Variants in RIMS3 observed in about 807,000 individuals in gnomAD.
The protein encoded by RIMS3 is regulating synaptic membrane exocytosis protein 3.
In RIMS3, 15 loss-of-function variants were observed where a neutral mutation model predicts 29.2. The ratio of observed to expected loss-of-function variants is 0.51; its 90% CI spans 0.34 to 0.79. RIMS3 has a LOEUF of 0.79. Ranked by LOEUF, RIMS3 falls within the 30% of genes least tolerant of loss-of-function variation. RIMS3 has a pLI of 0.01. For missense variants in RIMS3, 342 were observed against 421.4 expected, an observed-to-expected ratio of 0.81 and a Z score of 1.65; for synonymous variants, 161 against 170.1, an observed-to-expected ratio of 0.95 and a Z score of 0.41.
chr1:40,641,135 C>G (rs531136969), intron 3 of RIMS3, among the ~76,000 whole-genome samples: 1 of 152,142 alleles, frequency 6.6e-6, no homozygotes, highest in African/African-American at 2.4e-5. Flanking sequence ...ACAGGCGAGA[C>G]TGAATCTTTT....
At chr1:40,639,413 C>T (rs577294443) in intron 3 of RIMS3, among the ~76,000 whole-genome samples, 4 of 152,314 alleles carry the variant, frequency 2.6e-5, no homozygotes, top group South Asian at 2.1e-4. Flanking sequence ...TGGAGAGGAA[C>T]GTGCTACAGG....
At position 40,636,634 on chromosome 1, in the gene RIMS3, C is replaced by T. The variant is rs913525907; in HGVS notation, c.218-577G>A. Among the ~76,000 whole-genome samples the T allele has an allele frequency of 1.3e-5, 2 of 152,238 alleles. No homozygotes were observed. Among genetic ancestry groups the T allele is most frequent in the African/African-American group, 2.4e-5 (1 of 41,518 alleles). On this transcript the variant is annotated intron_variant, in intron 3 of 7. Transcript: ENST00000372684. This position sits in a 1 kb window ranked among gnomAD's most constrained non-coding sequence, Gnocchi z 4.2. The stretch of plus-strand genomic sequence containing the variant: ...TAGGTGGGGCTGAACATGGAGAGGA[C>T]GTGTGTGGAGAGCTGGAGAGGCCAT...
rs541695562 is a variant in RIMS3 at position 40,635,980 on chromosome 1, C to T, written c.295G>A (p.Val99Ile). 1 of 1,611,042 alleles carries T rather than the reference C, an allele frequency of 6.2e-7. No individual in the cohort carries two copies. Among genetic ancestry groups the T allele is most frequent in the Non-Finnish European group, 8.5e-7 (1 of 1,179,970 alleles). ...TGIAVEMRSR[V>I]TRQGSRESTD... ...GACTCCCGGCTGCCCTGGCGTGTGA[C>T]CCGGCTCCGCATCTCCACCGCGATG... is the stretch of plus-strand genomic sequence containing the variant. The change falls in exon 4 of 8, where the codon GTC becomes ATC. Residue 99 changes from valine (V) to isoleucine (I), a missense_variant. Physicochemically the swap from Val to Ile is conservative, Grantham distance 29 (BLOSUM62 3). Transcript: ENST00000372684. The surrounding 1 kb of genome is among the most constrained non-coding windows in gnomAD (Gnocchi z 4.1).
upstream of RIMS3, among the ~76,000 whole-genome samples, chr1:40,668,249 CAAAAA>C (rs35624303): frequency 1.7e-4 from 18 of 106,376 alleles, no homozygotes; most frequent in Non-Finnish European, 1.5e-4. Context: ...GACTCTGTCT[CAAAAA>C]AAAAAAAAAA....
chr1:40,662,769 C>T (rs753874500), intron 1 of RIMS3, among the ~76,000 whole-genome samples: 4 of 152,234 alleles, frequency 2.6e-5, no homozygotes, highest in Non-Finnish European at 5.9e-5. Flanking sequence ...AGTTAATTCC[C>T]TAACCACATT....
Position 40,623,879 on chromosome 1 carries a change from C to A in RIMS3, c.*2638G>T, listed in dbSNP as rs969447606. On this transcript the variant is annotated 3_prime_UTR_variant, in exon 8 of 8. Transcript: ENST00000372684. Reference sequence around the variant, plus strand: ...CAACTTTACCCTCATGGGGTAAAATCCAGGTGGGGATGAGTAACTTATTTG... The same window carrying A: ...CAACTTTACCCTCATGGGGTAAAATACAGGTGGGGATGAGTAACTTATTTG... The A allele has an allele frequency of 4.3e-5, 10 of 231,914 alleles. No homozygotes were observed. Among genetic ancestry groups the A allele is most frequent in the African/African-American group, 9.0e-5 (4 of 44,586 alleles). 14.4% of individuals were successfully genotyped at this position (231,914 alleles called of 1,614,324 possible).
intron 1 of RIMS3, among the ~76,000 whole-genome samples, chr1:40,658,243 G>A (rs1402993997): frequency 6.6e-6 from 1 of 152,178 alleles, no homozygotes; most frequent in Non-Finnish European, 1.5e-5. Flanking sequence ...AGCAAGGTGA[G>A]AAAATTCAGG....
At chr1:40,669,772 T>G (rs550574227), upstream of RIMS3, among the ~76,000 whole-genome samples, 136 of 152,244 alleles carry the variant, frequency 8.9e-4, 3 homozygotes, top group South Asian at 0.027. Context: ...GGTGCAAAGA[T>G]TTTTTTGAAA....
the RIMS3 span, among the ~76,000 whole-genome samples, chr1:40,680,520 T>C: frequency 6.6e-6 from 1 of 151,904 alleles, no homozygotes; most frequent in Non-Finnish European, 1.5e-5. Flanking sequence ...TGAGTAGACA[T>C]GGAGTTTCTC....
the RIMS3 span, among the ~76,000 whole-genome samples, chr1:40,673,007 C>T: frequency 6.6e-6 from 1 of 152,114 alleles, no homozygotes; most frequent in Non-Finnish European, 1.5e-5. Flanking sequence ...TGGTGAAAAC[C>T]TGTCTCTACT....
At chr1:40,691,582 G>A in the RIMS3 span, 18 of 334,530 alleles carry the variant, frequency 5.4e-5, no homozygotes, top group East Asian at 1.3e-4. Flanking sequence ...ATCTCATTCC[G>A]CCTCCCTCTG....
chr1:40,660,349 G>T (rs1444430000), intron 1 of RIMS3, among the ~76,000 whole-genome samples: 1 of 150,932 alleles, frequency 6.6e-6, no homozygotes, highest in Non-Finnish European at 1.5e-5. Context: ...GGGCCAGGAA[G>T]CAGTCACACC....
chr1:40,641,722 C>T lies in RIMS3; in HGVS notation c.204G>A (p.Gln68=). Residue 68 remains glutamine (Q), a synonymous_variant, in exon 3 of 8, where the codon CAG becomes CAA. Transcript: ENST00000372684. ...ATGCCCCCTCACCAGGCTGCGGAAG[C>T]TGGAGTGTGCTCTTGCTCCACTGAG... is the stretch of plus-strand genomic sequence containing the variant. ...GLTQWSKSTL[Q]LPQPEGATKK... is the part of the protein sequence containing the mutation. The T allele has an allele frequency of 6.2e-7, 1 of 1,613,988 alleles. No individual in the cohort carries two copies. Among genetic ancestry groups the T allele is most frequent in the Non-Finnish European group, 8.5e-7 (1 of 1,179,858 alleles).
At position 40,649,119 on chromosome 1, in the gene RIMS3, C is replaced by T. The variant is rs767171269; in HGVS notation, c.-206-1277G>A. On this transcript the variant is annotated intron_variant, in intron 1 of 7. Transcript: ENST00000372684. Reference sequence around the variant, plus strand: ...CCCAGCCAGCGTGGGCAGCACACAGCGGCGGCTCCTCTCCTAGTTGTGCAG... The same window carrying T: ...CCCAGCCAGCGTGGGCAGCACACAGTGGCGGCTCCTCTCCTAGTTGTGCAG... 7.9e-5 allele frequency among the ~76,000 whole-genome samples: 12 copies of T among 152,266 alleles called. No homozygotes were observed. In the East Asian group the frequency reaches 1.7e-3, roughly 22 times the overall value.
chr1:40,632,418 T>TTA (rs56394507), intron 5 of RIMS3, among the ~76,000 whole-genome samples: 1,155 of 87,666 alleles, frequency 0.013, 14 homozygotes, highest in East Asian at 0.017. Flanking sequence ...ACATATAAAT[T>TTA]TATATATATA....
chr1:40,626,458 G>T lies in RIMS3; in HGVS notation c.*59C>A. On this transcript the variant is annotated 3_prime_UTR_variant, in exon 8 of 8. Transcript: ENST00000372684. ...GACACGAAGACTATGTACAGGGGAG[G>T]ACATGGGGCCAGCAGGCACCCCTCC... The T allele has an allele frequency of 7.0e-7, 1 of 1,430,412 alleles. No homozygotes were observed. The highest frequency in any genetic ancestry group is 9.6e-7 in the Non-Finnish European group (1 of 1,036,934). 88.6% of individuals were successfully genotyped at this position (1,430,412 alleles called of 1,614,324 possible). A position where few individuals can be genotyped will look rare whatever the true frequency, so the allele number is the denominator to read the frequency against.
At chr1:40,666,218 G>A (rs1227962433), upstream of RIMS3, among the ~76,000 whole-genome samples, 1 of 152,200 alleles carries the variant, frequency 6.6e-6, no homozygotes, top group Non-Finnish European at 1.5e-5. Flanking sequence ...TGAAGCCCAA[G>A]TTAACCTGCT....
At chr1:40,665,939 AC>A (rs1642420475), upstream of RIMS3, among the ~76,000 whole-genome samples, 2 of 151,896 alleles carry the variant, frequency 1.3e-5, no homozygotes, top group Admixed American at 1.3e-4. Flanking sequence ...TCCACCACCT[AC>A]CCTATCTGTT....
chr1:40,655,834 G>A (rs947234860), intron 1 of RIMS3, among the ~76,000 whole-genome samples: 7 of 152,172 alleles, frequency 4.6e-5, no homozygotes, highest in East Asian at 3.9e-4. Flanking sequence ...GTCAAACCCC[G>A]TCTGGATGGT....
Sources: gnomAD v4.1 joint callset for allele counts (sites outside exome capture counted in the v4.1 genomes callset) on GRCh38, gnomAD v4.1.1 for gene constraint, Gnocchi (gnomAD v3.1) non-coding constraint, MANE v1.5 for transcripts, NCBI Gene and HGNC (gene_info 2026-07-23, HGNC 2026-07-21) for gene names.